The following TMPRSS15 variants were observed in gnomAD, a reference collection of about 807,000 sequenced individuals.
TMPRSS15 encodes the protein enteropeptidase.
A neutral mutation model predicts 125.3 loss-of-function variants in TMPRSS15; 128 were observed. That is an observed-to-expected ratio of 1.02 (90% CI 0.89 to 1.18). TMPRSS15 has a LOEUF of 1.18. TMPRSS15 is among the 50% of genes most tolerant of loss of function. The pLI is 0.00. For missense variants in TMPRSS15, 1,283 were observed against 1,212.7 expected, an observed-to-expected ratio of 1.06 and a Z score of -0.86; for synonymous variants, 446 against 423.2, an observed-to-expected ratio of 1.05 and a Z score of -0.66.
At position 18,378,872 on chromosome 21, in the gene TMPRSS15, T is replaced by C. The variant is rs111288964; in HGVS notation, c.532+411A>G. Among the ~76,000 whole-genome samples the C allele has an allele frequency of 4.1e-4, 63 of 152,248 alleles. 1 individual carries two copies. Among genetic ancestry groups the C allele is most frequent in the African/African-American group, 1.5e-3 (62 of 41,566 alleles). On this transcript the variant is annotated intron_variant, in intron 5 of 24. Coordinates refer to ENST00000284885, the MANE Select transcript of TMPRSS15 (RefSeq NM_002772.3). ...AATGAATCCAAGGCTACTTTGGTTC[T>C]GCTTTGGCCACAAGTGCTGTGTTAA... is the stretch of plus-strand genomic sequence containing the variant.
chr21:18,300,381 G>A (rs542123250), intron 18 of TMPRSS15, among the ~76,000 whole-genome samples: 1 of 131,414 alleles, frequency 7.6e-6, no homozygotes, highest in East Asian at 2.3e-4. Flanking sequence ...ATACTCTGTT[G>A]CCTAGGCTGG....
chr21:18,303,301 G>T lies in TMPRSS15; in HGVS notation c.2166-5472C>A, dbSNP rs146556032. The stretch of plus-strand genomic sequence containing the variant: ...AGTTCCTTTTTGGAAAACAGATAAT[G>T]GAAGAAAATCATGGGGGAAAAAAGA... On this transcript the variant is annotated intron_variant, in intron 18 of 24. Transcript: ENST00000284885. 1.4e-4 allele frequency among the ~76,000 whole-genome samples: 21 copies of T among 151,782 alleles called. No homozygotes were observed. The East Asian group carries it at 3.5e-3, about 25-fold the overall frequency.
chr21:18,270,202 A>G, intron 24 of TMPRSS15, 78 bp from the exon 25 acceptor site: 2 of 1,233,696 alleles, frequency 1.6e-6, no homozygotes, highest in Non-Finnish European at 2.3e-6. Context: ...TGTATCAAAT[A>G]AATTAAAAAA....
intron 10 of TMPRSS15, among the ~76,000 whole-genome samples, chr21:18,345,883 A>G (rs921298182): frequency 4.6e-5 from 7 of 151,966 alleles, no homozygotes; most frequent in Admixed American, 1.3e-4. Context: ...TTCACAGTCA[A>G]TAGTTATAAT....
At chr21:18,420,993 C>A (rs189709595) in intron 1 of TMPRSS15, among the ~76,000 whole-genome samples, 24 of 152,274 alleles carry the variant, frequency 1.6e-4, no homozygotes, top group Non-Finnish European at 1.5e-5. Flanking sequence ...ATTTTAAGAT[C>A]TCCAGGTGAC....
At chr21:18,438,896 C>T (rs772512689) in intron 1 of TMPRSS15, among the ~76,000 whole-genome samples, 1 of 152,084 alleles carries the variant, frequency 6.6e-6, no homozygotes, top group Non-Finnish European at 1.5e-5. Context: ...TGCTTTAATG[C>T]TAAACGTTGT....
chr21:18,380,167 TCACACACACACACACACA>T (rs34787707), intron 4 of TMPRSS15, among the ~76,000 whole-genome samples: 1 of 139,414 alleles, frequency 7.2e-6, no homozygotes, highest in Non-Finnish European at 1.6e-5. Flanking sequence ...TATGGAGATG[TCACACACACACACACACA>T]CACACACACA....
At chr21:18,300,814 C>A (rs779484216) in intron 18 of TMPRSS15, among the ~76,000 whole-genome samples, 1 of 151,990 alleles carries the variant, frequency 6.6e-6, no homozygotes, top group Admixed American at 6.6e-5. Flanking sequence ...AAACATATGC[C>A]TATTCTAGAA....
intron 1 of TMPRSS15, among the ~76,000 whole-genome samples, chr21:18,471,838 G>C (rs1229452421): frequency 1.7e-5 from 2 of 117,038 alleles, no homozygotes; most frequent in Non-Finnish European, 3.8e-5. Flanking sequence ...CCACAGATGA[G>C]GGCAAAAAAA....
At position 18,275,188 on chromosome 21, in the gene TMPRSS15, C is replaced by T; in HGVS notation, c.2904+9G>A. 2 of 1,613,604 alleles carry T rather than the reference C, an allele frequency of 1.2e-6. No homozygotes were observed. Among genetic ancestry groups the T allele is most frequent in the East Asian group, 2.2e-5 (1 of 44,866 alleles). On this transcript the variant is annotated intron_variant, in intron 24 of 24. Transcript: ENST00000284885. ...TGAAAAGGTACAGTGAGCAGTTTTA[C>T]ATCTTTACCTGACAAGAATCTATTC...
intron 24 of TMPRSS15, among the ~76,000 whole-genome samples, chr21:18,272,650 G>T (rs967198125): frequency 6.6e-6 from 1 of 151,746 alleles, no homozygotes; most frequent in Non-Finnish European, 1.5e-5. Flanking sequence ...ACTTGAATCC[G>T]GCAGGTGGAG....
intron 14 of TMPRSS15, among the ~76,000 whole-genome samples, chr21:18,330,888 C>G (rs375347382): frequency 6.6e-6 from 1 of 151,772 alleles, no homozygotes; most frequent in Admixed American, 6.6e-5. Context: ...CTGGCTAACA[C>G]GGTGAAACCC....
At chr21:18,393,705 A>G (rs2123104017) in intron 3 of TMPRSS15, among the ~76,000 whole-genome samples, 1 of 152,312 alleles carries the variant, frequency 6.6e-6, no homozygotes, top group African/African-American at 2.4e-5. Context: ...TCCTCACAGC[A>G]GAGATTTTAT....
At position 18,456,756 on chromosome 21, in the gene TMPRSS15, A is replaced by G. The variant is rs73895625; in HGVS notation, c.10+29043T>C. On this transcript the variant is annotated intron_variant, in intron 1 of 7. Coordinates refer to the TMPRSS15 transcript ENST00000422787. The stretch of plus-strand genomic sequence containing the variant: ...GATTATAAAAGTAATCAAAGCATAC[A>G]CTTGGAATAAATGTATTATCCTTGA... Among the ~76,000 whole-genome samples the G allele has an allele frequency of 7.8e-3, 1,192 of 152,254 alleles. 15 individuals carry two copies. The highest frequency in any genetic ancestry group is 0.027 in the African/African-American group (1,142 of 41,578).
chr21:18,354,536 C>CA (rs1389079758), intron 8 of TMPRSS15, among the ~76,000 whole-genome samples: 3 of 151,370 alleles, frequency 2.0e-5, no homozygotes, highest in Admixed American at 6.6e-5. Flanking sequence ...TGAAAATGTA[C>CA]AGCACATACA....
chr21:18,312,181 G>A (rs928758482), intron 18 of TMPRSS15, among the ~76,000 whole-genome samples: 14 of 151,986 alleles, frequency 9.2e-5, no homozygotes, highest in Non-Finnish European at 2.9e-5. Context: ...TTGCCAGGTT[G>A]TAAAATGCAA....
intron 1 of TMPRSS15, among the ~76,000 whole-genome samples, chr21:18,440,215 A>G (rs909223747): frequency 4.0e-5 from 6 of 151,336 alleles, no homozygotes; most frequent in Non-Finnish European, 2.9e-5. Context: ...TCTACTAAAA[A>G]TACAAAAATT....
At chr21:18,354,352 A>C (rs1248937784) in intron 8 of TMPRSS15, among the ~76,000 whole-genome samples, 2 of 151,784 alleles carry the variant, frequency 1.3e-5, no homozygotes, top group Admixed American at 1.3e-4. Flanking sequence ...CAGGTGACTT[A>C]AGATTGTTTC....
chr21:18,308,827 T>G lies in TMPRSS15; in HGVS notation c.2165+4118A>C, dbSNP rs143428258. On this transcript the variant is annotated intron_variant, in intron 18 of 24. Coordinates refer to ENST00000284885, the MANE Select transcript of TMPRSS15 (RefSeq NM_002772.3). ...TCATTGTTCAACTCCCACTTATGAG[T>G]GAGAATATGCAGTGTTTGGTTTTCT... 7.3e-3 allele frequency among the ~76,000 whole-genome samples: 1,113 copies of G among 152,204 alleles called. 13 individuals carry two copies. Among genetic ancestry groups the G allele is most frequent in the African/African-American group, 0.026 (1,071 of 41,522 alleles).
Sources: gnomAD v4.1 joint callset for allele counts (sites outside exome capture counted in the v4.1 genomes callset) on GRCh38, gnomAD v4.1.1 for gene constraint, MANE v1.5 for transcripts, NCBI Gene and HGNC (gene_info 2026-07-23, HGNC 2026-07-21) for gene names.